CBL: variants seen among roughly 807,000 people sequenced by gnomAD.
CBL encodes Cbl proto-oncogene.
In CBL, 45 loss-of-function variants were observed where a neutral mutation model predicts 96.9. That is an observed-to-expected ratio of 0.46 (90% confidence interval 0.37 to 0.60). The LOEUF is 0.60. CBL is among the 20% of genes least tolerant of loss of function. CBL has a pLI of 0.00. For missense variants in CBL, 1,024 were observed against 1,143.5 expected, an observed-to-expected ratio of 0.90 and a Z score of 1.51; for synonymous variants, 420 against 426.8, an observed-to-expected ratio of 0.98 and a Z score of 0.20.
Position 119,299,733 on chromosome 11 carries a change from C to A in CBL, c.2673C>A (p.Ile891=), listed in dbSNP as rs769513264. The part of the protein sequence containing the change: ...AQNNIEMAKN[I]LREFVSISSP... ...ACAACATCGAGATGGCCAAAAACAT[C>A]CTCCGGGAATTTGTTTCCATTTCTT... The change falls in exon 16 of 16, where the codon ATC becomes ATA. Residue 891 remains isoleucine, a synonymous_variant. Coordinates refer to ENST00000264033, the MANE Select transcript of CBL (RefSeq NM_005188.4). The A allele has an allele frequency of 1.9e-6, 3 of 1,614,208 alleles. No individual in the cohort carries two copies. Among genetic ancestry groups the A allele is most frequent in the Non-Finnish European group, 2.5e-6 (3 of 1,180,046 alleles).
chr11:119,271,971 T>C, intron 3 of CBL, 90 bp downstream of exon 3: 2 of 1,312,270 alleles, frequency 1.5e-6, no homozygotes, highest in Non-Finnish European at 2.2e-6. Context: ...ATTTAAAATT[T>C]GGGAACTCTG....
At chr11:119,264,902 A>T (rs891072359) in intron 2 of CBL, among the ~76,000 whole-genome samples, 1 of 152,046 alleles carries the variant, frequency 6.6e-6, no homozygotes, top group Admixed American at 6.6e-5. Context: ...TTTTTAAGAC[A>T]GTTTTGCTTC....
rs145254443 is a variant in CBL, at chr11:119,225,382, T to C, written c.196-7066T>C. Among the ~76,000 whole-genome samples the C allele has an allele frequency of 9.3e-3, 1,409 of 151,684 alleles. 17 individuals carry two copies. The highest frequency in any genetic ancestry group is 0.026 in the African/African-American group (1,092 of 41,368). On this transcript the variant is annotated intron_variant, in intron 1 of 15. Transcript: ENST00000264033. ...AAAGTGCTGGGATTACAGGTGTGAG[T>C]TACTGTGCCTGGCCTTATGTTTTGT...
Position 119,274,103 on chromosome 11 carries a change from A to G in CBL, c.747+79A>G, listed in dbSNP as rs112763616. On this transcript the variant is annotated intron_variant, in intron 4 of 15. Transcript: ENST00000264033. ...AAGCTTTTTTTTTTTTTTTTTAAAT[A>G]ACATTTGGGGTTTTTGTCTGTATGA... 22,118 of 1,096,164 alleles carry G rather than the reference A, an allele frequency of 0.02. 309 individuals are homozygous for G. The highest frequency in any genetic ancestry group is 0.023 in the Non-Finnish European group (17,157 of 737,216). The allele number at this position is 1,096,164 out of a possible 1,614,324, so 67.9% of individuals were successfully genotyped here.
chr11:119,285,023 G>A lies in CBL; in HGVS notation c.1486G>A (p.Val496Met). The stretch of plus-strand genomic sequence containing the variant: ...GGCCCCACAAGCTTCCCTTCCCCCG[G>A]TGCCACCACGACTTGACCTTCTGCC... ...SMAPQASLPPVPPRLDLLPQR... is the reference protein window; with the variant it reads ...SMAPQASLPPMPPRLDLLPQR... Residue 496 changes from valine to methionine, a missense_variant, in exon 10 of 16, where the codon GTG becomes ATG. Transcript: ENST00000264033. 3.7e-6 allele frequency: 6 copies of A among 1,614,084 alleles called. No homozygotes were observed. Among genetic ancestry groups the A allele is most frequent in the Non-Finnish European group, 5.1e-6 (6 of 1,180,024 alleles).
chr11:119,274,819 CT>C lies in CBL; in HGVS notation c.748-11del, dbSNP rs1949876115. On this transcript the variant is annotated splice_polypyrimidine_tract_variant and intron_variant, in intron 4 of 15. Coordinates refer to ENST00000264033, the MANE Select transcript of CBL (RefSeq NM_005188.4). ...CTGACCTGAATAGTCTGTGATTGAT[CT>C]TGTTTCTTTAGCCCTGGTCCTCTTT... The C allele has an allele frequency of 1.3e-6, 2 of 1,597,366 alleles. No homozygotes were observed. The highest frequency in any genetic ancestry group is 1.7e-6 in the Non-Finnish European group (2 of 1,170,318).
chr11:119,305,429 T>C lies in CBL; in HGVS notation c.*5648T>C, dbSNP rs79889393. On this transcript the variant is annotated 3_prime_UTR_variant, in exon 16 of 16. Coordinates refer to ENST00000264033, the MANE Select transcript of CBL (RefSeq NM_005188.4). ...CCACTGTAGCCACTATCCATGGACT[T>C]CTGGGTCCTCTTCAGGTTTGAGTGC... is the stretch of plus-strand genomic sequence containing the variant. 3,192 of 230,480 alleles carry C rather than the reference T, an allele frequency of 0.014. 23 individuals carry two copies. Among genetic ancestry groups the C allele is most frequent in the Middle Eastern group, 0.025 (19 of 764 alleles). 14.3% of individuals were successfully genotyped at this position (230,480 alleles called of 1,614,324 possible).
intron 12 of CBL, among the ~76,000 whole-genome samples, chr11:119,292,652 G>C (rs1389152127): frequency 1.3e-5 from 2 of 151,994 alleles, no homozygotes; most frequent in African/African-American, 4.8e-5. Context: ...TCAATCTCCT[G>C]ACCGTGATCT....
chr11:119,231,564 C>T (rs1211602407), intron 1 of CBL, among the ~76,000 whole-genome samples: 2 of 151,502 alleles, frequency 1.3e-5, no homozygotes, highest in Non-Finnish European at 2.9e-5. Flanking sequence ...CAAAATTAGC[C>T]GGGCATGGTG....
chr11:119,298,229 T>G (rs142977972), intron 14 of CBL, 129 bp from the exon 15 acceptor site: 450 of 842,942 alleles, frequency 5.3e-4, no homozygotes, highest in Non-Finnish European at 5.4e-4. Flanking sequence ...TGGCCCACAG[T>G]AGACAATCAG....
At chr11:119,233,848 T>G (rs1461587469) in intron 2 of CBL, among the ~76,000 whole-genome samples, 1 of 152,176 alleles carries the variant, frequency 6.6e-6, no homozygotes. Flanking sequence ...TTGTCTACCT[T>G]TCCTTTGGGC....
rs1404933902 is a variant in CBL, at chr11:119,305,626, T to C, written c.*5845T>C. 4.4e-6 allele frequency: 1 copy of C among 224,734 alleles called. No homozygotes were observed. 13.9% of individuals were successfully genotyped at this position (224,734 alleles called of 1,614,324 possible). A position where few individuals can be genotyped will look rare whatever the true frequency, so the allele number is the denominator to read the frequency against. On this transcript the variant is annotated 3_prime_UTR_variant, in exon 16 of 16. Transcript: ENST00000264033. ...GTAAGAATATATAATATTGGAGCAGTTGCCAGGATAGAAATTAAATATAGA... is the reference window on the plus strand; with the variant it reads ...GTAAGAATATATAATATTGGAGCAGCTGCCAGGATAGAAATTAAATATAGA...
intron 13 of CBL, 141 bp downstream of exon 13, chr11:119,297,175 G>T: frequency 1.3e-6 from 1 of 765,324 alleles, no homozygotes; most frequent in East Asian, 2.4e-5. Flanking sequence ...AGCCCTTAAT[G>T]GTTTAAGCCT....
intron 9 of CBL, among the ~76,000 whole-genome samples, chr11:119,283,965 C>T (rs752879246): frequency 4.6e-5 from 7 of 152,174 alleles, no homozygotes; most frequent in Non-Finnish European, 8.8e-5. Flanking sequence ...TAATTTATTT[C>T]TTTGGAAGGA....
intron 1 of CBL, among the ~76,000 whole-genome samples, chr11:119,231,663 A>G (rs1949502499): frequency 6.8e-6 from 1 of 147,584 alleles, no homozygotes; most frequent in African/African-American, 2.5e-5. Context: ...AGCCAAGATC[A>G]CACCATTGCA....
chr11:119,229,099 T>A (rs1252171639), intron 1 of CBL, among the ~76,000 whole-genome samples: 1 of 152,128 alleles, frequency 6.6e-6, no homozygotes, highest in African/African-American at 2.4e-5. Context: ...TTTTGCTAGA[T>A]CTTAATCTCT....
chr11:119,243,798 A>G (rs1200340084), intron 2 of CBL, among the ~76,000 whole-genome samples: 1 of 151,920 alleles, frequency 6.6e-6, no homozygotes, highest in Non-Finnish European at 1.5e-5. Context: ...GTGTGATCAC[A>G]GCTCATTGCA....
At position 119,278,550 on chromosome 11, in the gene CBL, T is replaced by A. The variant is rs868103494; in HGVS notation, c.1268T>A (p.Ile423Asn). 1 of 1,614,200 alleles carries A rather than the reference T, an allele frequency of 6.2e-7. No individual in the cohort carries two copies. The highest frequency in any genetic ancestry group is 8.5e-7 in the Non-Finnish European group (1 of 1,180,030). Residue 423 changes from isoleucine to asparagine, a missense_variant, in exon 9 of 16, where the codon ATT becomes AAT. Ile to Asn is a moderately radical substitution (Grantham distance 149). Transcript: ENST00000264033. ...GGCTGTCCTTTCTGCCGATGTGAAA[T>A]TAAAGGTACTGAACCCATCGTGGTA... is the stretch of plus-strand genomic sequence containing the variant. The part of the protein sequence containing the change: ...GQGCPFCRCE[I>N]KGTEPIVVDP...
intron 2 of CBL, among the ~76,000 whole-genome samples, chr11:119,245,019 A>G (rs1171849830): frequency 1.3e-5 from 2 of 151,872 alleles, no homozygotes; most frequent in Non-Finnish European, 2.9e-5. Context: ...CTACAGGCAC[A>G]CACCACCATG....
Sources: allele counts gnomAD v4.1 joint callset (sites outside exome capture counted in the v4.1 genomes callset), GRCh38; gene constraint gnomAD v4.1.1; transcripts MANE v1.5; gene names NCBI Gene and HGNC (gene_info 2026-07-23, HGNC 2026-07-21).